INSR: variants seen among roughly 807,000 people sequenced by gnomAD.
INSR encodes the protein insulin receptor.
Under a neutral mutation model 142.6 loss-of-function variants are expected in INSR, and 67 were observed. That is an observed-to-expected ratio of 0.47 (90% confidence interval 0.39 to 0.58). The LOEUF is 0.58. Among genes scored for constraint, INSR ranks in the 20% least tolerant of loss-of-function variants. The pLI is 0.00. For synonymous variants in INSR, 756 were observed against 743.1 expected, an observed-to-expected ratio of 1.02 and a Z score of -0.28; for missense variants, 1,248 against 1,833.2, an observed-to-expected ratio of 0.68 and a Z score of 5.83.
chr19:7,141,866 C>T, intron 12 of INSR, 50 bp from the exon 13 acceptor site: 1 of 1,458,928 alleles, frequency 6.9e-7, no homozygotes, highest in Non-Finnish European at 9.6e-7. Context: ...GGATGAGATC[C>T]CACTTCTGCC....
chr19:7,210,110 C>T (rs983918998), intron 2 of INSR, among the ~76,000 whole-genome samples: 6 of 151,796 alleles, frequency 4.0e-5, no homozygotes, highest in Admixed American at 1.3e-4. Flanking sequence ...TTTAGGAGGC[C>T]GAGGCGGGTG....
At chr19:7,157,509 C>T (rs1003764112) in intron 9 of INSR, among the ~76,000 whole-genome samples, 6 of 150,876 alleles carry the variant, frequency 4.0e-5, no homozygotes, top group East Asian at 1.9e-4. Context: ...ACGATCTGCC[C>T]GCCTTGGCCT....
In INSR at chr19:7,192,564, C is replaced by T. The variant is rs1023841992; in HGVS notation, c.653-7927G>A. Among the ~76,000 whole-genome samples the T allele has an allele frequency of 3.9e-5, 6 of 152,034 alleles. No individual in the cohort carries two copies. The highest frequency in any genetic ancestry group is 7.3e-5 in the African/African-American group (3 of 41,368). ...CCCAAATTCTGGTTTGGGGTAGGGACAGTCAGCAGCCCAGGCTATGTCTGC... is the reference window on the plus strand; with the variant it reads ...CCCAAATTCTGGTTTGGGGTAGGGATAGTCAGCAGCCCAGGCTATGTCTGC... On this transcript the variant is annotated intron_variant, in intron 2 of 21. Coordinates refer to ENST00000302850, the MANE Select transcript of INSR (RefSeq NM_000208.4). The surrounding 1 kb of genome is among the most constrained non-coding windows in gnomAD (Gnocchi z 4.2).
chr19:7,207,081 G>C (rs1026218610), intron 2 of INSR, among the ~76,000 whole-genome samples: 1 of 152,104 alleles, frequency 6.6e-6, no homozygotes, highest in African/African-American at 2.4e-5. Context: ...AGAATGATTG[G>C]GAACTTGAAC....
intron 2 of INSR, among the ~76,000 whole-genome samples, chr19:7,262,491 T>C (rs911778575): frequency 6.6e-6 from 1 of 151,976 alleles, no homozygotes; most frequent in African/African-American, 2.4e-5. Context: ...AATAAATAAA[T>C]AAGTTTCCTA....
rs1407352965 is a variant in INSR, at chr19:7,166,272, C to T, written c.1743G>A (p.Arg581=). The stretch of plus-strand genomic sequence containing the variant: ...CATACTGGGTCCAGGGCTTGAGACC[C>T]CGCATCAGCCACCCTGGGTGGTTCT... ...KSQNHPGWLM[R]GLKPWTQYAI... Residue 581 remains arginine, a synonymous_variant, in exon 8 of 22, where the codon CGG becomes CGA. Transcript: ENST00000302850. The surrounding 1 kb of genome is among the most constrained non-coding windows in gnomAD (Gnocchi z 4.1). 6.2e-7 allele frequency: 1 copy of T among 1,614,160 alleles called. No homozygotes were observed. Among genetic ancestry groups the T allele is most frequent in the Admixed American group, 1.7e-5 (1 of 59,994 alleles).
chr19:7,153,981 T>C (rs1439904765), intron 9 of INSR, among the ~76,000 whole-genome samples: 1 of 151,918 alleles, frequency 6.6e-6, no homozygotes, highest in Non-Finnish European at 1.5e-5. Flanking sequence ...GCCAACATGG[T>C]GAAACCCCGT....
chr19:7,268,338 C>T (rs1318794836), intron 1 of INSR: 2 of 697,556 alleles, frequency 2.9e-6, no homozygotes, highest in Admixed American at 1.3e-4. Context: ...TTTTGTCAAT[C>T]CTCCCACCTC....
chr19:7,256,264 C>T (rs1264876119), intron 2 of INSR, among the ~76,000 whole-genome samples: 5 of 152,024 alleles, frequency 3.3e-5, no homozygotes, highest in Non-Finnish European at 7.4e-5. Flanking sequence ...ATAGTGAAAC[C>T]CTGTCTCTAC....
At chr19:7,234,284 G>A (rs1259863877) in intron 2 of INSR, among the ~76,000 whole-genome samples, 1 of 151,810 alleles carries the variant, frequency 6.6e-6, no homozygotes, top group African/African-American at 2.4e-5. Flanking sequence ...ATAACTCACT[G>A]CAGCCTGGAA....
intron 2 of INSR, among the ~76,000 whole-genome samples, chr19:7,237,500 C>G (rs1976197383): frequency 6.6e-6 from 1 of 150,568 alleles, no homozygotes; most frequent in Non-Finnish European, 1.5e-5. Flanking sequence ...CTGGGCAACA[C>G]AGGGAGACTC....
chr19:7,198,306 G>T (rs556280235), intron 2 of INSR, among the ~76,000 whole-genome samples: 1 of 151,780 alleles, frequency 6.6e-6, no homozygotes, highest in African/African-American at 2.4e-5. Context: ...ACTGGCGCTC[G>T]GGCAGTGGCC....
intron 2 of INSR, among the ~76,000 whole-genome samples, chr19:7,248,829 C>G (rs1976617056): frequency 7.2e-6 from 1 of 139,224 alleles, no homozygotes; most frequent in South Asian, 2.3e-4. Flanking sequence ...GTGATCTTGG[C>G]TCACTGCAAA....
At chr19:7,207,046 T>C (rs1357216065) in intron 2 of INSR, among the ~76,000 whole-genome samples, 1 of 152,164 alleles carries the variant, frequency 6.6e-6, no homozygotes, top group East Asian at 1.9e-4. Context: ...CATTACTCTC[T>C]GAGGCCTGTG....
chr19:7,233,051 C>T (rs974045911), intron 2 of INSR, among the ~76,000 whole-genome samples: 13 of 151,932 alleles, frequency 8.6e-5, no homozygotes, highest in African/African-American at 3.1e-4. Flanking sequence ...AGTGGCGCCA[C>T]CTCGCCATCT....
rs1234668234 is a variant in INSR at position 7,218,104 on chromosome 19, G to T, written c.653-33467C>A. 2.0e-5 allele frequency among the ~76,000 whole-genome samples: 3 copies of T among 152,156 alleles called. No individual in the cohort carries two copies. In the South Asian group the frequency reaches 6.2e-4, roughly 32 times the overall value. Reference sequence around the variant, plus strand: ...GAGAGATTGCAAAACGGTGAGCAAAGAAATAAACACGTTCCACCTCCATAG... The same window carrying T: ...GAGAGATTGCAAAACGGTGAGCAAATAAATAAACACGTTCCACCTCCATAG... On this transcript the variant is annotated intron_variant, in intron 2 of 21. Coordinates refer to ENST00000302850, the MANE Select transcript of INSR (RefSeq NM_000208.4).
intron 1 of INSR, among the ~76,000 whole-genome samples, chr19:7,281,410 C>T (rs1451693695): frequency 2.0e-5 from 3 of 152,102 alleles, no homozygotes; most frequent in African/African-American, 7.2e-5. Context: ...CACAGTGGCT[C>T]ACATCTGCAA....
chr19:7,128,909 A>C lies in INSR; in HGVS notation c.2888T>G (p.Ile963Ser), dbSNP rs1972710885. ...NIAKIIIGPL[I>S]FVFLFSVVIG... The stretch of plus-strand genomic sequence containing the variant: ...CACAACACTGAAGAGAAAGACAAAG[A>C]TGAGGGGGCCGATGATAATTTTTGC... Residue 963 changes from isoleucine (I) to serine (S), a missense_variant, in exon 15 of 22, where the codon ATC becomes AGC. Around this residue, in one of 3 missense-constraint regions of INSR, gnomAD observed 1,069 missense variants for 1,654.0 expected, o/e 0.65. Transcript: ENST00000302850. 6.2e-7 allele frequency: 1 copy of C among 1,613,942 alleles called. No individual in the cohort carries two copies. Among genetic ancestry groups the C allele is most frequent in the South Asian group, 1.1e-5 (1 of 91,090 alleles).
At position 7,122,819 on chromosome 19, in the gene INSR, G is replaced by A. The variant is rs376323575; in HGVS notation, c.3370-46C>T. 2.0e-5 allele frequency: 32 copies of A among 1,612,970 alleles called. No homozygotes were observed. The African/African-American group carries it at 2.1e-4, about 11-fold the overall frequency. The stretch of plus-strand genomic sequence containing the variant: ...TGGTGTTTCAGCAGCACTGGGATCC[G>A]AGGAGGCCAGGAGCGGGTGCTCCAC... On this transcript the variant is annotated intron_variant, in intron 18 of 21. Transcript: ENST00000302850.
Sources: allele counts gnomAD v4.1 joint callset (sites outside exome capture counted in the v4.1 genomes callset), GRCh38; gene constraint gnomAD v4.1.1; regional missense constraint gnomAD v4.1.1; non-coding constraint Gnocchi (gnomAD v3.1); transcripts MANE v1.5; gene names NCBI Gene and HGNC (gene_info 2026-07-23, HGNC 2026-07-21).